The following TENM2 variants were observed in gnomAD, a reference collection of about 807,000 sequenced individuals.
TENM2 encodes the protein teneurin-2.
Under a neutral mutation model 245.2 loss-of-function variants are expected in TENM2, and 52 were observed. The observed-to-expected ratio is 0.21, with a 90% CI of 0.17 to 0.27. The LOEUF is 0.27. Among genes scored for constraint, TENM2 ranks in the 10% least tolerant of loss-of-function variants. The pLI is 1.00. For synonymous variants in TENM2, 1,363 were observed against 1,438.9 expected (o/e 0.95, Z 1.19); for missense variants, 3,046 against 3,666.8 (o/e 0.83, Z 4.37).
At chr5:167,936,193 A>T (rs531833931) in intron 3 of TENM2, among the ~76,000 whole-genome samples, 2 of 152,292 alleles carry the variant, frequency 1.3e-5, no homozygotes, top group South Asian at 4.1e-4. Context: ...TATTGTGATG[A>T]GTAATGTAGT....
intron 2 of TENM2, among the ~76,000 whole-genome samples, chr5:167,528,973 G>A (rs1388177286): frequency 6.6e-6 from 1 of 152,094 alleles, no homozygotes; most frequent in Non-Finnish European, 1.5e-5. Context: ...AGTATTGTAG[G>A]TGTGGTAGAA....
At chr5:167,997,199 A>G (rs1363293774) in intron 5 of TENM2, among the ~76,000 whole-genome samples, 2 of 152,218 alleles carry the variant, frequency 1.3e-5, no homozygotes, top group East Asian at 3.8e-4. Flanking sequence ...AGATAGTTGC[A>G]GGGCGAGCAC....
intron 13 of TENM2, among the ~76,000 whole-genome samples, chr5:168,168,105 A>G (rs1005313183): frequency 2.0e-5 from 3 of 152,180 alleles, no homozygotes; most frequent in Non-Finnish European, 4.4e-5. Flanking sequence ...TTTAAAAGTC[A>G]GATTTCTAAG....
chr5:166,986,615 A>G, the TENM2 span, among the ~76,000 whole-genome samples: 1 of 152,130 alleles, frequency 6.6e-6, no homozygotes, highest in Non-Finnish European at 1.5e-5. Flanking sequence ...AGTATATATG[A>G]ACTTCAGGGG....
chr5:167,190,436 G>T, the TENM2 span, among the ~76,000 whole-genome samples: 2 of 152,034 alleles, frequency 1.3e-5, no homozygotes, highest in South Asian at 4.1e-4. Flanking sequence ...TAGTGAGAGA[G>T]AAATTAGATT....
intron 2 of TENM2, among the ~76,000 whole-genome samples, chr5:167,663,770 A>G (rs1285452671): frequency 6.6e-6 from 1 of 152,100 alleles, no homozygotes; most frequent in Admixed American, 6.6e-5. Context: ...TTCAATTCTA[A>G]TCATTTAGTG....
the TENM2 span, among the ~76,000 whole-genome samples, chr5:167,179,109 C>T: frequency 6.6e-6 from 1 of 152,102 alleles, no homozygotes; most frequent in African/African-American, 2.4e-5. Context: ...CTTAATAAGG[C>T]ATTCCACTCT....
intron 2 of TENM2, among the ~76,000 whole-genome samples, chr5:167,546,042 C>T (rs907521408): frequency 2.6e-5 from 4 of 152,200 alleles, no homozygotes; most frequent in African/African-American, 9.6e-5. Context: ...TCAGAACACT[C>T]ATTCGAGTCA....
intron 4 of TENM2, among the ~76,000 whole-genome samples, chr5:167,963,921 A>G (rs892087757): frequency 6.6e-6 from 1 of 152,204 alleles, no homozygotes; most frequent in Non-Finnish European, 1.5e-5. Context: ...ATAAAAGAAC[A>G]ATGCATATAA....
the TENM2 span, among the ~76,000 whole-genome samples, chr5:167,061,362 C>G: frequency 1.3e-5 from 2 of 152,208 alleles, no homozygotes; most frequent in Non-Finnish European, 2.9e-5. Flanking sequence ...AGATCGCACT[C>G]ATCCTAAAGT....
intron 2 of TENM2, among the ~76,000 whole-genome samples, chr5:167,645,739 G>C (rs1779884889): frequency 6.6e-6 from 1 of 151,692 alleles, no homozygotes; most frequent in Non-Finnish European, 1.5e-5. Flanking sequence ...GAGAAGGAAA[G>C]GTCAAAAAGT....
chr5:168,130,623 TGCAG>T (rs1198704156), intron 12 of TENM2, among the ~76,000 whole-genome samples: 1 of 152,170 alleles, frequency 6.6e-6, no homozygotes, highest in Admixed American at 6.5e-5. Flanking sequence ...CTAGGCCAGG[TGCAG>T]TGGCTCATGC....
intron 2 of TENM2, among the ~76,000 whole-genome samples, chr5:167,426,161 T>C (rs1274281772): frequency 6.6e-6 from 1 of 152,174 alleles, no homozygotes; most frequent in Non-Finnish European, 1.5e-5. Flanking sequence ...CATTCTCTCT[T>C]TGAAATTCTA....
At chr5:167,430,095 G>A (rs1764125857) in intron 2 of TENM2, among the ~76,000 whole-genome samples, 1 of 152,074 alleles carries the variant, frequency 6.6e-6, no homozygotes, top group African/African-American at 2.4e-5. Context: ...ATCATCTAAG[G>A]CTGTGATCTC....
intron 2 of TENM2, among the ~76,000 whole-genome samples, chr5:167,597,672 T>A (rs1288323703): frequency 1.3e-5 from 2 of 152,200 alleles, no homozygotes; most frequent in Non-Finnish European, 2.9e-5. Flanking sequence ...TATGTGTAAT[T>A]TTATGTTATT....
the TENM2 span, among the ~76,000 whole-genome samples, chr5:167,055,084 T>A: frequency 6.6e-6 from 1 of 152,168 alleles, no homozygotes; most frequent in Non-Finnish European, 1.5e-5. Flanking sequence ...TGATGTTGTG[T>A]GTAAAAAGTC....
At chr5:167,749,367 C>T (rs894178343) in intron 2 of TENM2, among the ~76,000 whole-genome samples, 5 of 152,066 alleles carry the variant, frequency 3.3e-5, no homozygotes, top group Non-Finnish European at 4.4e-5. Flanking sequence ...AAGCTGGGAA[C>T]GGTGGCTCAT....
At chr5:167,430,777 G>A (rs1038575707) in intron 2 of TENM2, among the ~76,000 whole-genome samples, 1 of 152,166 alleles carries the variant, frequency 6.6e-6, no homozygotes, top group Non-Finnish European at 1.5e-5. Flanking sequence ...CTCTCACAAA[G>A]TTTCTTCTAA....
intron 2 of TENM2, among the ~76,000 whole-genome samples, chr5:167,601,928 A>C (rs567881445): frequency 3.1e-4 from 47 of 152,128 alleles, no homozygotes; most frequent in African/African-American, 1.1e-3. Context: ...GAGGAAAGGA[A>C]CTGGGGATGG....
Sources: allele counts gnomAD v4.1 joint callset (sites outside exome capture counted in the v4.1 genomes callset), GRCh38; gene constraint gnomAD v4.1.1; transcripts MANE v1.5; gene names NCBI Gene and HGNC (gene_info 2026-07-23, HGNC 2026-07-21).